RAB3IL1: variants seen among roughly 807,000 people sequenced by gnomAD.
RAB3IL1 encodes RAB3A interacting protein like 1, also known as guanine nucleotide exchange factor for Rab-3A.
RAB3IL1 carries 37 observed loss-of-function variants against 49.2 expected under a neutral mutation model. That is an observed-to-expected ratio of 0.75 (90% confidence interval 0.58 to 0.99). RAB3IL1 has a LOEUF of 0.99. Ranked by LOEUF, RAB3IL1 falls within the 50% of genes least tolerant of loss-of-function variation. RAB3IL1 has a pLI of 0.00. For missense variants in RAB3IL1, 484 were observed against 513.0 expected (o/e 0.94, Z 0.55); for synonymous variants, 193 against 213.9 (o/e 0.90, Z 0.85).
chr11:61,908,698 T>A (rs907302407), intron 1 of RAB3IL1, among the ~76,000 whole-genome samples: 14 of 152,294 alleles, frequency 9.2e-5, no homozygotes, highest in African/African-American at 3.4e-4. Context: ...CACTGAATGA[T>A]CAGAGGAGGT....
chr11:61,915,834 G>A (rs544548598), intron 1 of RAB3IL1, among the ~76,000 whole-genome samples: 18 of 151,590 alleles, frequency 1.2e-4, no homozygotes, highest in South Asian at 4.2e-4. Context: ...TCAGGAGATC[G>A]AGACCATCCT....
chr11:61,902,535 A>T lies in RAB3IL1; in HGVS notation c.906T>A (p.Cys302Ter). The change falls in exon 8 of 10, where the codon TGT becomes TGA. Residue 302 changes from cysteine to a stop codon, truncating the protein, a stop_gained. Coordinates refer to ENST00000394836, the MANE Select transcript of RAB3IL1 (RefSeq NM_013401.4). LOFTEE classifies it high-confidence loss of function. ...AGGTGCGGGTCAGCCCGCTCAGGGC[A>T]CATGTGCTAGGGGAAAGCAAAATGG... Reference protein sequence around the residue: ...AEVDCSSTNTCALSGLTRTCR... With the variant: ...AEVDCSSTNT 1 of 1,597,486 alleles carries T rather than the reference A, an allele frequency of 6.3e-7. No homozygotes were observed. The highest frequency in any genetic ancestry group is 8.5e-7 in the Non-Finnish European group (1 of 1,174,048).
chr11:61,911,440 C>T (rs559547800), intron 1 of RAB3IL1, among the ~76,000 whole-genome samples: 40 of 152,320 alleles, frequency 2.6e-4, no homozygotes, highest in African/African-American at 9.1e-4. Flanking sequence ...GGACCCTGGG[C>T]TCCTCGGGTC....
intron 1 of RAB3IL1, among the ~76,000 whole-genome samples, chr11:61,916,959 T>C (rs1199003093): frequency 2.8e-5 from 4 of 143,280 alleles, no homozygotes; most frequent in Non-Finnish European, 6.1e-5. Context: ...CTTTCCCAGC[T>C]ACACTGCTTT....
In RAB3IL1 at chr11:61,908,234, G is replaced by T; in HGVS notation, c.84C>A (p.Pro28=). The part of the protein sequence containing the change: ...AVPVPWKSTD[P]CQGHRESPGA... ...CTGGGGACTCCCTGTGGCCTTGGCA[G>T]GGGTCCGTGCTCTTCCAGGGGACCG... Residue 28 remains proline (P), a synonymous_variant, in exon 2 of 10, where the codon CCC becomes CCA. Coordinates refer to ENST00000394836, the MANE Select transcript of RAB3IL1 (RefSeq NM_013401.4). 1 of 1,539,496 alleles carries T rather than the reference G, an allele frequency of 6.5e-7. No individual in the cohort carries two copies. The highest frequency in any genetic ancestry group is 8.8e-7 in the Non-Finnish European group (1 of 1,141,668).
At chr11:61,923,096 G>A (rs555703076), upstream of RAB3IL1, among the ~76,000 whole-genome samples, 1 of 152,376 alleles carries the variant, frequency 6.6e-6, no homozygotes, top group East Asian at 1.9e-4. Flanking sequence ...GGGAAACTGA[G>A]TCAGAGTTGC....
intron 1 of RAB3IL1, among the ~76,000 whole-genome samples, chr11:61,915,000 G>A (rs1406981053): frequency 6.6e-6 from 1 of 152,168 alleles, no homozygotes; most frequent in Non-Finnish European, 1.5e-5. Flanking sequence ...CAGGCACCCA[G>A]TGGGGGCTAG....
At chr11:61,904,515 G>A (rs1232727105) in intron 7 of RAB3IL1, 31 bp downstream of exon 7, 1 of 1,565,014 alleles carries the variant, frequency 6.4e-7, no homozygotes, top group African/African-American at 1.3e-5. Context: ...TTTCCCACAT[G>A]GGCAGGAAGG....
At chr11:61,930,784 C>T in the RAB3IL1 span, among the ~76,000 whole-genome samples, 1 of 151,972 alleles carries the variant, frequency 6.6e-6, no homozygotes, top group Non-Finnish European at 1.5e-5. Flanking sequence ...CTTAAAAAGA[C>T]CAAATTAATA....
intron 8 of RAB3IL1, among the ~76,000 whole-genome samples, chr11:61,901,499 A>C (rs1184730833): frequency 6.6e-6 from 1 of 152,176 alleles, no homozygotes; most frequent in Non-Finnish European, 1.5e-5. Flanking sequence ...CTCTAACTGG[A>C]ACTCTAGCAT....
chr11:61,918,709 G>A (rs1442468781), upstream of RAB3IL1, among the ~76,000 whole-genome samples: 1 of 152,208 alleles, frequency 6.6e-6, no homozygotes, highest in Non-Finnish European at 1.5e-5. Context: ...TTCCCCGCTG[G>A]GCACAGCGCA....
At position 61,904,815 on chromosome 11, in the gene RAB3IL1, G is replaced by C. The variant is rs768396420; in HGVS notation, c.725C>G (p.Pro242Arg). The C allele has an allele frequency of 3.4e-5, 55 of 1,611,844 alleles. No homozygotes were observed. In the South Asian group the frequency reaches 4.4e-4, roughly 13 times the overall value. The change falls in exon 6 of 10, where the codon CCC (proline) becomes CGC (arginine). Residue 242 changes from proline to arginine, a missense_variant. Pro to Arg is a moderately radical substitution (Grantham distance 103). Transcript: ENST00000394836. ...CTCTCGGTACACCCTTTCCAGGAAG[G>C]GGCAGGTCTTGTCCAGGGTGGGGGA... The part of the protein sequence containing the change: ...RESPTLDKTC[P>R]FLERVYREDV...
intron 8 of RAB3IL1, 68 bp from the exon 9 acceptor site, chr11:61,899,448 T>C (rs1202644057): frequency 1.3e-6 from 2 of 1,499,300 alleles, no homozygotes; most frequent in Non-Finnish European, 1.8e-6. Flanking sequence ...CAGGCGGATC[T>C]GAGTCCAGAG....
rs1266599482 is a variant in RAB3IL1 at position 61,908,253 on chromosome 11, G to C, written c.65C>G (p.Pro22Arg). The change falls in exon 2 of 10, where the codon CCC (proline) becomes CGC (arginine). Residue 22 changes from proline (P) to arginine (R), a missense_variant. Pro to Arg is a moderately radical substitution (Grantham distance 103). Transcript: ENST00000394836. ...TTGGCAGGGGTCCGTGCTCTTCCAG[G>C]GGACCGGGACAGCTGCAAGGGGCGG... Reference protein sequence around the residue: ...LPPPLAAVPVPWKSTDPCQGH... With the variant: ...LPPPLAAVPVRWKSTDPCQGH... The C allele has an allele frequency of 1.3e-6, 2 of 1,520,988 alleles. No individual in the cohort carries two copies. Among genetic ancestry groups the C allele is most frequent in the Non-Finnish European group, 1.8e-6 (2 of 1,133,964 alleles). The allele number at this position is 1,520,988 out of a possible 1,614,324, so 94.2% of individuals were successfully genotyped here.
the RAB3IL1 span, among the ~76,000 whole-genome samples, chr11:61,930,048 A>T: frequency 1.3e-5 from 2 of 151,546 alleles, no homozygotes; most frequent in Non-Finnish European, 2.9e-5. Flanking sequence ...GAATGCCACC[A>T]CCATGCCCGG....
chr11:61,914,192 G>A (rs1591236631), intron 1 of RAB3IL1, among the ~76,000 whole-genome samples: 1 of 152,228 alleles, frequency 6.6e-6, no homozygotes, highest in South Asian at 2.1e-4. Context: ...AAGGCCCAGG[G>A]CAGTGAAGTG....
At position 61,898,948 on chromosome 11, in the gene RAB3IL1, T is replaced by TGGGGGGGGGGGGGGGG; in HGVS notation, c.1066+365_1066+366insCCCCCCCCCCCCCCCC. 1 of 434,852 alleles carries TGGGGGGGGGGGGGGGG rather than the reference T, an allele frequency of 2.3e-6. No individual in the cohort carries two copies. Among genetic ancestry groups the TGGGGGGGGGGGGGGGG allele is most frequent in the Non-Finnish European group, 4.5e-6 (1 of 224,340 alleles). 26.9% of individuals were successfully genotyped at this position (434,852 alleles called of 1,614,324 possible). A position where few individuals can be genotyped will look rare whatever the true frequency, so the allele number is the denominator to read the frequency against. On this transcript the variant is annotated intron_variant, in intron 9 of 9. Coordinates refer to ENST00000394836, the MANE Select transcript of RAB3IL1 (RefSeq NM_013401.4). This position sits in a 1 kb window ranked among gnomAD's most constrained non-coding sequence, Gnocchi z 5.1. ...CAGAATGGGCTGTGGGGGGAGGGGG[T>TGGGGGGGGGGGGGGGG]GGAGGGAGGCCCTGTCCAGCATGGA...
upstream of RAB3IL1, among the ~76,000 whole-genome samples, chr11:61,918,652 G>A (rs137903205): frequency 1.6e-3 from 237 of 152,338 alleles, 1 homozygote; most frequent in Middle Eastern, 0.01. Flanking sequence ...GATGGGGGAC[G>A]TATTCTCTAA....
chr11:61,945,416 C>G, the RAB3IL1 span, among the ~76,000 whole-genome samples: 1 of 152,322 alleles, frequency 6.6e-6, no homozygotes, highest in South Asian at 2.1e-4. Context: ...GGAAGCGAAC[C>G]GCAGGAGCAT....
Sources: allele counts gnomAD v4.1 joint callset (sites outside exome capture counted in the v4.1 genomes callset), GRCh38; gene constraint gnomAD v4.1.1; non-coding constraint Gnocchi (gnomAD v3.1); transcripts MANE v1.5; gene names NCBI Gene and HGNC (gene_info 2026-07-23, HGNC 2026-07-21).